RALGPS1: variants seen among roughly 807,000 people sequenced by gnomAD.
RALGPS1 encodes Ral GEF with PH domain and SH3 binding motif 1.
RALGPS1 carries 19 observed loss-of-function variants against 78.8 expected under a neutral mutation model. The ratio of observed to expected loss-of-function variants is 0.24; its 90% CI spans 0.17 to 0.35. RALGPS1 has a LOEUF of 0.35. RALGPS1 is among the 10% of genes least tolerant of loss of function. The pLI is 1.00. For synonymous variants in RALGPS1, 228 were observed against 256.3 expected (o/e 0.89, Z 1.06); for missense variants, 454 against 688.3 (o/e 0.66, Z 3.81).
At chr9:127,050,335 G>T (rs919676342) in intron 6 of RALGPS1, among the ~76,000 whole-genome samples, 2 of 152,190 alleles carry the variant, frequency 1.3e-5, no homozygotes, top group African/African-American at 2.4e-5. Flanking sequence ...CTAGCACCTT[G>T]TGCGCAAATT....
chr9:126,966,966 G>T (rs201300424), intron 3 of RALGPS1, among the ~76,000 whole-genome samples: 3 of 152,190 alleles, frequency 2.0e-5, no homozygotes, highest in East Asian at 3.9e-4. Context: ...TGAGAGTGTT[G>T]TCCAAGCGTT....
At position 127,218,901 on chromosome 9, in the gene RALGPS1, G is replaced by A. The variant is rs1588627933; in HGVS notation, c.*132G>A. 1.9e-6 allele frequency: 2 copies of A among 1,041,374 alleles called. No individual in the cohort carries two copies. The highest frequency in any genetic ancestry group is 2.4e-5 in the East Asian group (1 of 42,080). 64.5% of individuals were successfully genotyped at this position (1,041,374 alleles called of 1,614,324 possible). A position where few individuals can be genotyped will look rare whatever the true frequency, so the allele number is the denominator to read the frequency against. On this transcript the variant is annotated 3_prime_UTR_variant, in exon 19 of 19. Transcript: ENST00000259351. The surrounding 1 kb of genome is among the most constrained non-coding windows in gnomAD (Gnocchi z 4.4). Reference sequence around the variant, plus strand: ...CTCACAGCTGGACTCAGGGGACACGGCCTGTGGCCTCACCATCCCAGAGGG... The same window carrying A: ...CTCACAGCTGGACTCAGGGGACACGACCTGTGGCCTCACCATCCCAGAGGG...
At chr9:127,158,671 T>A (rs2058837657) in intron 8 of RALGPS1, among the ~76,000 whole-genome samples, 1 of 152,108 alleles carries the variant, frequency 6.6e-6, no homozygotes, top group East Asian at 1.9e-4. Flanking sequence ...AATTGTTTTC[T>A]CGTTTCTTTT....
chr9:127,017,297 G>A (rs1281988354), intron 4 of RALGPS1, among the ~76,000 whole-genome samples: 2 of 152,176 alleles, frequency 1.3e-5, no homozygotes, highest in Non-Finnish European at 2.9e-5. Flanking sequence ...CCTGTACAGC[G>A]TGAGTACACT....
intron 8 of RALGPS1, chr9:127,106,784 G>A (rs1160283597): frequency 6.6e-6 from 1 of 152,262 alleles, no homozygotes; most frequent in Non-Finnish European, 1.5e-5. Context: ...CTCAGGTTCA[G>A]CCCCTCTTTG....
chr9:127,015,729 T>C (rs538716014), intron 4 of RALGPS1, among the ~76,000 whole-genome samples: 2 of 152,288 alleles, frequency 1.3e-5, no homozygotes, highest in East Asian at 1.9e-4. Flanking sequence ...GACAGCTTTT[T>C]CTTGGGAACA....
At chr9:127,159,575 TCTAAATGAGGA>T (rs1245911063) in intron 8 of RALGPS1, among the ~76,000 whole-genome samples, 1 of 152,212 alleles carries the variant, frequency 6.6e-6, no homozygotes, top group East Asian at 1.9e-4. Context: ...AGGAATACTC[TCTAAATGAGGA>T]TTTGTTCTGA....
In RALGPS1 at chr9:127,212,904, C is replaced by T; in HGVS notation, c.1447-40C>T. On this transcript the variant is annotated intron_variant, in intron 16 of 18. Coordinates refer to ENST00000259351, the MANE Select transcript of RALGPS1 (RefSeq NM_014636.3). The surrounding 1 kb of genome is among the most constrained non-coding windows in gnomAD (Gnocchi z 6.0). ...TCGGCCTCCCTTGTGGAGTGGAGGG[C>T]TGGGCCCCGGTCTCCGGATGTGTTG... 1 of 1,613,330 alleles carries T rather than the reference C, an allele frequency of 6.2e-7. No homozygotes were observed. Among genetic ancestry groups the T allele is most frequent in the Non-Finnish European group, 8.5e-7 (1 of 1,179,652 alleles).
chr9:127,199,692 G>A (rs981073245), intron 14 of RALGPS1, among the ~76,000 whole-genome samples: 1 of 152,132 alleles, frequency 6.6e-6, no homozygotes, highest in Non-Finnish European at 1.5e-5. Context: ...ACAGCTCCAC[G>A]TACTAGTGTT....
chr9:127,075,827 A>G (rs2050625576), intron 8 of RALGPS1, among the ~76,000 whole-genome samples: 2 of 152,252 alleles, frequency 1.3e-5, no homozygotes, highest in Non-Finnish European at 1.5e-5. Context: ...GGAAGATTCT[A>G]TATGCTAACT....
At position 126,973,425 on chromosome 9, in the gene RALGPS1, A is replaced by G. The variant is rs550154765; in HGVS notation, c.166-4270A>G. The stretch of plus-strand genomic sequence containing the variant: ...AGATAGCACTTATCAAATTTTTAAA[A>G]AAGTGGACAGGACTACCCTGTGATG... On this transcript the variant is annotated intron_variant, in intron 3 of 18. Coordinates refer to ENST00000259351, the MANE Select transcript of RALGPS1 (RefSeq NM_014636.3). 4.6e-5 allele frequency among the ~76,000 whole-genome samples: 7 copies of G among 152,294 alleles called. No homozygotes were observed. The South Asian group carries it at 1.0e-3, about 23-fold the overall frequency.
At chr9:127,097,272 T>A (rs192735652) in intron 8 of RALGPS1, among the ~76,000 whole-genome samples, 48 of 152,380 alleles carry the variant, frequency 3.2e-4, no homozygotes, top group Middle Eastern at 3.4e-3. Context: ...TTTTTCTTTT[T>A]TTAAAAAAGG....
At chr9:127,046,045 G>T (rs1016052336) in intron 5 of RALGPS1, among the ~76,000 whole-genome samples, 3 of 152,166 alleles carry the variant, frequency 2.0e-5, no homozygotes, top group African/African-American at 4.8e-5. Flanking sequence ...CAATACAGGG[G>T]TTGTGTCAAA....
chr9:127,084,710 C>G (rs1443862068), intron 8 of RALGPS1, among the ~76,000 whole-genome samples: 3 of 152,252 alleles, frequency 2.0e-5, no homozygotes, highest in African/African-American at 4.8e-5. Context: ...GACCTTCTTT[C>G]TATACTTCTC....
intron 1 of RALGPS1, among the ~76,000 whole-genome samples, chr9:126,950,573 C>T (rs1242114810): frequency 1.3e-5 from 2 of 151,794 alleles, no homozygotes; most frequent in Non-Finnish European, 2.9e-5. Flanking sequence ...CTACTGGGTA[C>T]ATAACGAAAT....
chr9:127,170,274 G>A (rs1444632381), intron 10 of RALGPS1, among the ~76,000 whole-genome samples: 3 of 152,186 alleles, frequency 2.0e-5, no homozygotes, highest in South Asian at 2.1e-4. Context: ...GTCTGCAGCC[G>A]TGGCTGTGAA....
At chr9:127,169,942 A>G (rs544058155) in intron 10 of RALGPS1, among the ~76,000 whole-genome samples, 1 of 152,288 alleles carries the variant, frequency 6.6e-6, no homozygotes, top group Admixed American at 6.5e-5. Flanking sequence ...AATATTTTCA[A>G]CTTATGATGG....
chr9:127,162,618 A>C (rs1338941342), intron 8 of RALGPS1, among the ~76,000 whole-genome samples: 1 of 152,176 alleles, frequency 6.6e-6, no homozygotes, highest in Non-Finnish European at 1.5e-5. Context: ...AGTCCGCAGC[A>C]GGTATGGCCT....
chr9:127,210,888 C>A, intron 14 of RALGPS1: 2 of 932,490 alleles, frequency 2.1e-6, no homozygotes, highest in South Asian at 1.6e-5. Context: ...ACAGCCTTTG[C>A]CTACATGAGT....
Sources: allele counts gnomAD v4.1 joint callset (sites outside exome capture counted in the v4.1 genomes callset), GRCh38; gene constraint gnomAD v4.1.1; non-coding constraint Gnocchi (gnomAD v3.1); transcripts MANE v1.5; gene names NCBI Gene and HGNC (gene_info 2026-07-23, HGNC 2026-07-21).